Variants in UBE2G1 observed in about 807,000 individuals in gnomAD.
UBE2G1 encodes ubiquitin-conjugating enzyme E2 G1.
A neutral mutation model predicts 22.7 loss-of-function variants in UBE2G1; 5 were observed. The observed-to-expected ratio is 0.22, with a 90% confidence interval of 0.12 to 0.46. UBE2G1 has a LOEUF of 0.46. UBE2G1 is among the 20% of genes least tolerant of loss of function. The probability of loss-of-function intolerance (pLI) is 0.99; values close to 1 mark genes in which losing one functional copy is unlikely to be tolerated. For synonymous variants in UBE2G1, 74 were observed against 67.5 expected (o/e 1.10, Z -0.47); for missense variants, 88 against 203.9 (o/e 0.43, Z 3.46).
At chr17:4,273,382 C>CA (rs1968782971) in intron 5 of UBE2G1, among the ~76,000 whole-genome samples, 5 of 152,198 alleles carry the variant, frequency 3.3e-5, no homozygotes, top group Non-Finnish European at 7.3e-5. Flanking sequence ...GGGTCCCACT[C>CA]TGTCCCTCAT....
intron 1 of UBE2G1, among the ~76,000 whole-genome samples, chr17:4,315,727 G>A (rs373597773): frequency 5.4e-5 from 8 of 148,872 alleles, no homozygotes; most frequent in Admixed American, 2.7e-4. Context: ...GCGAAAGAGC[G>A]AGACTCCATC....
chr17:4,331,515 A>G (rs1236543594), intron 1 of UBE2G1, among the ~76,000 whole-genome samples: 1 of 152,198 alleles, frequency 6.6e-6, no homozygotes, highest in Non-Finnish European at 1.5e-5. Context: ...AAACACATAC[A>G]CTACACACTT....
At position 4,272,433 on chromosome 17, in the gene UBE2G1, G is replaced by C; in HGVS notation, c.*121C>G. On this transcript the variant is annotated 3_prime_UTR_variant, in exon 6 of 6. Coordinates refer to ENST00000396981, the MANE Select transcript of UBE2G1 (RefSeq NM_003342.5). Reference sequence around the variant, plus strand: ...TTTTATTGCAGCCCAGTTCCAGCCAGTGTTTGCCAACTTGTACAACAGAAG... The same window carrying C: ...TTTTATTGCAGCCCAGTTCCAGCCACTGTTTGCCAACTTGTACAACAGAAG... 5.4e-6 allele frequency: 1 copy of C among 186,798 alleles called. No homozygotes were observed. The highest frequency in any genetic ancestry group is 1.4e-4 in the South Asian group (1 of 7,000). The allele number at this position is 186,798 out of a possible 1,614,324, so 11.6% of individuals were successfully genotyped here.
intron 1 of UBE2G1, among the ~76,000 whole-genome samples, chr17:4,329,215 A>G (rs910384388): frequency 6.6e-6 from 1 of 151,402 alleles, no homozygotes; most frequent in Non-Finnish European, 1.5e-5. Flanking sequence ...CCTGGGCAAC[A>G]TGGTGAAACC....
chr17:4,329,767 G>A (rs979434884), intron 1 of UBE2G1, among the ~76,000 whole-genome samples: 1 of 151,412 alleles, frequency 6.6e-6, no homozygotes, highest in South Asian at 2.1e-4. Context: ...TCTCTTTCCA[G>A]TATAACTTTT....
At chr17:4,284,146 G>A (rs2143686429) in intron 4 of UBE2G1, among the ~76,000 whole-genome samples, 1 of 127,368 alleles carries the variant, frequency 7.9e-6, no homozygotes, top group South Asian at 2.8e-4. Context: ...GACAGAGCGA[G>A]ACTCCGTCTC....
intron 1 of UBE2G1, chr17:4,345,628 C>T (rs1337337989): frequency 2.0e-5 from 3 of 152,160 alleles, no homozygotes; most frequent in Admixed American, 1.3e-4. Flanking sequence ...CTGAATTTAC[C>T]ATTGAACTTT....
At chr17:4,365,418 C>T (rs1202206135) in intron 1 of UBE2G1, among the ~76,000 whole-genome samples, 3 of 152,226 alleles carry the variant, frequency 2.0e-5, no homozygotes, top group African/African-American at 2.4e-5. Context: ...ACCTGGAAGC[C>T]GCAAACGGCC....
intron 3 of UBE2G1, among the ~76,000 whole-genome samples, chr17:4,293,097 T>A (rs1001330777): frequency 6.6e-6 from 1 of 152,188 alleles, no homozygotes; most frequent in African/African-American, 2.4e-5. Flanking sequence ...TTTTTCACCC[T>A]ACAATGAAAC....
Position 4,358,372 on chromosome 17 carries a change from G to A in UBE2G1, c.46+7899C>T, listed in dbSNP as rs1235559778. Among the ~76,000 whole-genome samples the A allele has an allele frequency of 7.9e-5, 12 of 152,106 alleles. No homozygotes were observed. In the East Asian group the frequency reaches 2.3e-3, roughly 29 times the overall value. ...CCTCAAAATCCCCATCTCAAGCGATGCTCCTATTCAAGCCTCCCTAGTAGC... is the reference window on the plus strand; with the variant it reads ...CCTCAAAATCCCCATCTCAAGCGATACTCCTATTCAAGCCTCCCTAGTAGC... On this transcript the variant is annotated intron_variant, in intron 1 of 5. Transcript: ENST00000396981.
chr17:4,365,521 G>A (rs865835978), intron 1 of UBE2G1, among the ~76,000 whole-genome samples: 2 of 152,176 alleles, frequency 1.3e-5, no homozygotes, highest in African/African-American at 4.8e-5. Flanking sequence ...GCGCAGCTCC[G>A]GGGTTTGCAG....
At chr17:4,359,332 T>G (rs1001383991) in intron 1 of UBE2G1, among the ~76,000 whole-genome samples, 16 of 152,068 alleles carry the variant, frequency 1.1e-4, no homozygotes, top group Admixed American at 3.3e-4. Context: ...TAAATAAGAA[T>G]AGCTAAAGGA....
At position 4,284,483 on chromosome 17, in the gene UBE2G1, C is replaced by T. The variant is rs571597360; in HGVS notation, c.427-1562G>A. 2.6e-5 allele frequency among the ~76,000 whole-genome samples: 4 copies of T among 151,998 alleles called. No homozygotes were observed. In the East Asian group the frequency reaches 7.8e-4, roughly 30 times the overall value. On this transcript the variant is annotated intron_variant, in intron 4 of 5. Coordinates refer to ENST00000396981, the MANE Select transcript of UBE2G1 (RefSeq NM_003342.5). Reference sequence around the variant, plus strand: ...AGGCATGGTGGCACGTGCCTATAATCCCTGTTACTCAGGAGGCTGAGGTGA... The same window carrying T: ...AGGCATGGTGGCACGTGCCTATAATTCCTGTTACTCAGGAGGCTGAGGTGA...
intron 1 of UBE2G1, among the ~76,000 whole-genome samples, chr17:4,361,310 T>C (rs952186349): frequency 4.6e-5 from 7 of 151,676 alleles, no homozygotes; most frequent in African/African-American, 1.7e-4. Context: ...GCAGATCACT[T>C]GAGGTCAGGA....
chr17:4,354,872 G>A (rs1191733793), intron 1 of UBE2G1, among the ~76,000 whole-genome samples: 4 of 152,114 alleles, frequency 2.6e-5, no homozygotes, highest in African/African-American at 7.2e-5. Context: ...GGGAGATTGA[G>A]GCTGCAGTAG....
intron 4 of UBE2G1, among the ~76,000 whole-genome samples, chr17:4,283,400 T>G (rs543605554): frequency 1.3e-5 from 2 of 152,264 alleles, no homozygotes; most frequent in African/African-American, 4.8e-5. Flanking sequence ...CTCAGGAGGC[T>G]GAGGCAGGAA....
chr17:4,274,496 C>T (rs1338545416), intron 5 of UBE2G1, among the ~76,000 whole-genome samples: 2 of 152,084 alleles, frequency 1.3e-5, no homozygotes, highest in East Asian at 3.9e-4. Flanking sequence ...CACGCCTGGC[C>T]AAATTGATCT....
At chr17:4,320,337 TTTC>T (rs1262206051) in intron 1 of UBE2G1, among the ~76,000 whole-genome samples, 1 of 152,196 alleles carries the variant, frequency 6.6e-6, no homozygotes, top group Non-Finnish European at 1.5e-5. Flanking sequence ...TTTTATAGAT[TTTC>T]TTCTCTCAAC....
At chr17:4,356,049 TAAAAAAAAAAAA>T (rs746982860) in intron 1 of UBE2G1, among the ~76,000 whole-genome samples, 2 of 99,098 alleles carry the variant, frequency 2.0e-5, no homozygotes, top group Non-Finnish European at 3.9e-5. Context: ...TGTTTCACTT[TAAAAAAAAAAAA>T]AAAAAAAAAA....
Sources: gnomAD v4.1 joint callset for allele counts (sites outside exome capture counted in the v4.1 genomes callset) on GRCh38, gnomAD v4.1.1 for gene constraint, MANE v1.5 for transcripts, NCBI Gene and HGNC (gene_info 2026-07-23, HGNC 2026-07-21) for gene names.